SMYD3: variants seen among roughly 807,000 people sequenced by gnomAD.
SMYD3 encodes histone-lysine N-methyltransferase SMYD3.
Under a neutral mutation model 57.7 loss-of-function variants are expected in SMYD3, and 36 were observed. That is an observed-to-expected ratio of 0.62 (90% CI 0.48 to 0.82). The LOEUF (loss-of-function observed/expected upper bound fraction) is 0.82. SMYD3 is among the 40% of genes least tolerant of loss of function. The probability of loss-of-function intolerance (pLI) is 0.00; values close to 1 mark genes in which losing one functional copy is unlikely to be tolerated. For missense variants in SMYD3, 515 were observed against 538.8 expected (o/e 0.96, Z 0.44); for synonymous variants, 211 against 195.0 (o/e 1.08, Z -0.68).
At chr1:246,303,196 T>A (rs989293243) in intron 5 of SMYD3, among the ~76,000 whole-genome samples, 1 of 152,190 alleles carries the variant, frequency 6.6e-6, no homozygotes, top group African/African-American at 2.4e-5. Flanking sequence ...AAAATTCTGC[T>A]AATAATAGTG....
chr1:246,200,299 C>T (rs560167795), intron 5 of SMYD3, among the ~76,000 whole-genome samples: 88 of 151,880 alleles, frequency 5.8e-4, no homozygotes, highest in African/African-American at 2.1e-3. Context: ...CACAGACGCC[C>T]ACTGTAATAG....
At chr1:245,885,436 G>A (rs2053037514) in intron 8 of SMYD3, among the ~76,000 whole-genome samples, 1 of 152,180 alleles carries the variant, frequency 6.6e-6, no homozygotes, top group South Asian at 2.1e-4. Context: ...GTCTATGTCT[G>A]TGACTCGATT....
At chr1:245,843,879 A>G (rs2050530613) in intron 10 of SMYD3, among the ~76,000 whole-genome samples, 2 of 152,188 alleles carry the variant, frequency 1.3e-5, no homozygotes, top group Non-Finnish European at 2.9e-5. Flanking sequence ...TAGAAGGGAC[A>G]TTACAGTCAT....
intron 7 of SMYD3, among the ~76,000 whole-genome samples, chr1:245,925,553 G>A (rs758239631): frequency 2.0e-5 from 3 of 152,122 alleles, no homozygotes; most frequent in Admixed American, 2.0e-4. Context: ...CACACGCCAA[G>A]GACACAAGTC....
At chr1:245,776,161 T>C (rs2046582309) in intron 10 of SMYD3, among the ~76,000 whole-genome samples, 1 of 152,230 alleles carries the variant, frequency 6.6e-6, no homozygotes, top group South Asian at 2.1e-4. Context: ...TTATATATCC[T>C]TCACAATATG....
chr1:246,092,695 C>T (rs2060843864), intron 5 of SMYD3, among the ~76,000 whole-genome samples: 1 of 151,950 alleles, frequency 6.6e-6, no homozygotes, highest in African/African-American at 2.4e-5. Flanking sequence ...GGGTATTGGC[C>T]CGGCAAAGAT....
At chr1:246,084,102 C>T (rs1002011416) in intron 5 of SMYD3, among the ~76,000 whole-genome samples, 7 of 151,632 alleles carry the variant, frequency 4.6e-5, no homozygotes, top group Non-Finnish European at 7.4e-5. Flanking sequence ...AGATTTTTGT[C>T]CAAAAGGATG....
chr1:246,280,569 G>C (rs1262215879), intron 5 of SMYD3, among the ~76,000 whole-genome samples: 2 of 152,214 alleles, frequency 1.3e-5, no homozygotes, highest in Non-Finnish European at 2.9e-5. Flanking sequence ...TCCAGCCAGT[G>C]CAACACAGTG....
rs369869213 is a variant in SMYD3 at position 245,913,129 on chromosome 1, T to C, written c.813+2401A>G. 3.3e-3 allele frequency among the ~76,000 whole-genome samples: 506 copies of C among 152,166 alleles called. 2 individuals are homozygous for C. Among genetic ancestry groups the C allele is most frequent in the African/African-American group, 0.011 (440 of 41,492 alleles). On this transcript the variant is annotated intron_variant, in intron 8 of 11. Transcript: ENST00000490107. Reference sequence around the variant, plus strand: ...AACCAACCCAAATGTCCAACAATGATAGACTGGATTAAGAAAATGTGGCAC... The same window carrying C: ...AACCAACCCAAATGTCCAACAATGACAGACTGGATTAAGAAAATGTGGCAC...
intron 5 of SMYD3, among the ~76,000 whole-genome samples, chr1:246,026,242 C>A (rs972131004): frequency 5.3e-5 from 8 of 152,194 alleles, no homozygotes; most frequent in East Asian, 1.9e-4. Flanking sequence ...TTCCCTAGGT[C>A]TTGCAGAAGA....
intron 2 of SMYD3, among the ~76,000 whole-genome samples, chr1:246,349,471 A>T (rs2065783381): frequency 6.6e-6 from 1 of 151,904 alleles, no homozygotes; most frequent in South Asian, 2.1e-4. Flanking sequence ...CAGGCATGGT[A>T]GTGCACGCCT....
chr1:246,114,336 A>G (rs1368271912), intron 5 of SMYD3, among the ~76,000 whole-genome samples: 1 of 152,198 alleles, frequency 6.6e-6, no homozygotes, highest in East Asian at 1.9e-4. Flanking sequence ...TCCAGACCAC[A>G]ATGAAGGTAG....
intron 5 of SMYD3, among the ~76,000 whole-genome samples, chr1:246,082,509 A>C (rs889633331): frequency 1.3e-5 from 2 of 151,842 alleles, no homozygotes; most frequent in Non-Finnish European, 2.9e-5. Flanking sequence ...TCCACAACCA[A>C]TCAGCAGCAC....
At position 246,138,271 on chromosome 1, in the gene SMYD3, A is replaced by C. The variant is rs139775355; in HGVS notation, c.531+188930T>G. Among the ~76,000 whole-genome samples, 726 of 152,156 alleles carry C rather than the reference A, an allele frequency of 4.8e-3. 2 individuals carry two copies. The highest frequency in any genetic ancestry group is 0.01 in the Middle Eastern group (3 of 294). On this transcript the variant is annotated intron_variant, in intron 5 of 11. Transcript: ENST00000490107. ...CTTCGTATATATTCGCTCACTACTT[A>C]TGAAAGATATTTGCATTAAAACAGT...
chr1:245,986,813 A>G (rs2058715022), intron 5 of SMYD3, among the ~76,000 whole-genome samples: 1 of 152,256 alleles, frequency 6.6e-6, no homozygotes, highest in Non-Finnish European at 1.5e-5. Flanking sequence ...ACCTTCATCA[A>G]GCTTCAAGTA....
At chr1:246,000,050 C>G (rs530681228) in intron 5 of SMYD3, among the ~76,000 whole-genome samples, 2 of 152,332 alleles carry the variant, frequency 1.3e-5, no homozygotes, top group South Asian at 4.1e-4. Context: ...TATGACTGTT[C>G]TTGACTCCTA....
Position 245,890,595 on chromosome 1 carries a change from A to T in SMYD3, c.813+24935T>A, listed in dbSNP as rs112756795. Among the ~76,000 whole-genome samples, 5 of 152,348 alleles carry T rather than the reference A, an allele frequency of 3.3e-5. 1 individual carries two copies. Among genetic ancestry groups the T allele is most frequent in the African/African-American group, 1.2e-4 (5 of 41,580 alleles). ...AACATATGCTGACAAAGATGTGGAA[A>T]AAAAGGGAACCCTCGCACACTATTG... On this transcript the variant is annotated intron_variant, in intron 8 of 11. Transcript: ENST00000490107.
At chr1:246,107,231 G>C (rs1420620533) in intron 5 of SMYD3, among the ~76,000 whole-genome samples, 1 of 151,540 alleles carries the variant, frequency 6.6e-6, no homozygotes, top group Non-Finnish European at 1.5e-5. Context: ...AGCTTGCAGT[G>C]AGCCGAGATT....
chr1:245,996,962 A>C (rs1380055578), intron 5 of SMYD3, among the ~76,000 whole-genome samples: 1 of 152,200 alleles, frequency 6.6e-6, no homozygotes, highest in Non-Finnish European at 1.5e-5. Context: ...AGAAGTTCTG[A>C]TTTATGAATT....
Sources: allele counts gnomAD v4.1 joint callset (sites outside exome capture counted in the v4.1 genomes callset), GRCh38; gene constraint gnomAD v4.1.1; transcripts MANE v1.5; gene names NCBI Gene and HGNC (gene_info 2026-07-23, HGNC 2026-07-21).